GMDS: variants seen among roughly 807,000 people sequenced by gnomAD.
GMDS encodes the protein GDP-mannose 4,6 dehydratase.
In GMDS, 20 loss-of-function variants were observed where a neutral mutation model predicts 49.9. The ratio of observed to expected loss-of-function variants is 0.40; its 90% confidence interval spans 0.28 to 0.58. GMDS has a LOEUF of 0.58. GMDS is among the 20% of genes least tolerant of loss of function. The pLI, the probability that GMDS is intolerant of heterozygous loss-of-function variation, is 0.42. For missense variants in GMDS, 362 were observed against 481.4 expected (o/e 0.75, Z 2.32); for synonymous variants, 177 against 178.6 (o/e 0.99, Z 0.07).
intron 9 of GMDS, among the ~76,000 whole-genome samples, chr6:1,676,360 A>C (rs555203309): frequency 6.6e-6 from 1 of 152,328 alleles, no homozygotes; most frequent in African/African-American, 2.4e-5. Flanking sequence ...ACACTGCCCA[A>C]GGTAATTTAT....
intron 7 of GMDS, among the ~76,000 whole-genome samples, chr6:1,747,747 G>A (rs1767567641): frequency 6.6e-6 from 1 of 152,066 alleles, no homozygotes; most frequent in Admixed American, 6.5e-5. Flanking sequence ...ATTCTTTGTG[G>A]AATTCACATA....
chr6:1,700,336 A>C (rs1321023844), intron 9 of GMDS, among the ~76,000 whole-genome samples: 7 of 152,176 alleles, frequency 4.6e-5, no homozygotes, highest in Non-Finnish European at 1.5e-5. Flanking sequence ...ACAATCCCTT[A>C]ATTCCATTTT....
At chr6:2,084,506 C>CT (rs916770951) in intron 4 of GMDS, among the ~76,000 whole-genome samples, 38 of 151,222 alleles carry the variant, frequency 2.5e-4, no homozygotes, top group South Asian at 1.3e-3. Context: ...AAATAAAACT[C>CT]TTTTTTTTTC....
chr6:2,221,481 C>A (rs1026858014), intron 1 of GMDS, among the ~76,000 whole-genome samples: 1 of 152,166 alleles, frequency 6.6e-6, no homozygotes, highest in African/African-American at 2.4e-5. Flanking sequence ...CCCGGCCTCC[C>A]GGGTTCACAC....
At chr6:1,948,056 G>T (rs1352348919) in intron 6 of GMDS, among the ~76,000 whole-genome samples, 1 of 152,060 alleles carries the variant, frequency 6.6e-6, no homozygotes, top group Non-Finnish European at 1.5e-5. Context: ...TCACTTCCAC[G>T]ATTTCCTTTA....
intron 7 of GMDS, among the ~76,000 whole-genome samples, chr6:1,771,006 C>G (rs916346941): frequency 6.6e-6 from 1 of 152,140 alleles, no homozygotes; most frequent in African/African-American, 2.4e-5. Flanking sequence ...ATGAGCTATT[C>G]ATGTCTTCAT....
intron 7 of GMDS, among the ~76,000 whole-genome samples, chr6:1,809,033 A>G (rs1020383133): frequency 1.3e-5 from 2 of 152,192 alleles, no homozygotes; most frequent in Admixed American, 1.3e-4. Context: ...TTTCTTTCTC[A>G]AAGATGATTT....
intron 1 of GMDS, among the ~76,000 whole-genome samples, chr6:2,194,988 A>G (rs1338113690): frequency 1.3e-5 from 2 of 152,258 alleles, no homozygotes; most frequent in African/African-American, 4.8e-5. Context: ...ATCAGCCTGT[A>G]CTTTGCTAAA....
intron 7 of GMDS, among the ~76,000 whole-genome samples, chr6:1,767,863 A>G (rs1257716385): frequency 6.6e-6 from 1 of 152,040 alleles, no homozygotes; most frequent in Non-Finnish European, 1.5e-5. Flanking sequence ...TAAAAACAGA[A>G]TACTAGGTGA....
At chr6:2,065,233 TAACAAACTGA>T (rs1003764215) in intron 4 of GMDS, among the ~76,000 whole-genome samples, 169 of 150,424 alleles carry the variant, frequency 1.1e-3, no homozygotes, top group African/African-American at 4.0e-3. Context: ...GAGGGAAAAC[TAACAAACTGA>T]AAGGACATCC....
rs371892139 is a variant in GMDS at position 2,086,500 on chromosome 6, C to G, written c.345+29271G>C. On this transcript the variant is annotated intron_variant, in intron 4 of 10. Coordinates refer to ENST00000380815, the MANE Select transcript of GMDS (RefSeq NM_001500.4). ...CATCTCCACTTAAATCAGAAGGGAA[C>G]AGCCAACCATGAGTAACCAGCATGC... Among the ~76,000 whole-genome samples the G allele has an allele frequency of 2.0e-4, 31 of 152,348 alleles. No individual in the cohort carries two copies. In the East Asian group the frequency reaches 3.1e-3, roughly 15 times the overall value.
intron 4 of GMDS, among the ~76,000 whole-genome samples, chr6:1,979,288 A>T (rs9328078): frequency 2.6e-5 from 4 of 152,020 alleles, no homozygotes; most frequent in African/African-American, 9.7e-5. Flanking sequence ...AAAGCGAAGA[A>T]GCTAAAACAA....
rs186489720 is a variant in GMDS at position 1,755,743 on chromosome 6, C to T, written c.772-13157G>A. ...ACTGAAAATGGACCCCTTCCTTATG[C>T]CTTATACAAAAATTAACTAAAGATG... On this transcript the variant is annotated intron_variant, in intron 7 of 10. Coordinates refer to ENST00000380815, the MANE Select transcript of GMDS (RefSeq NM_001500.4). Among the ~76,000 whole-genome samples, 9 of 152,218 alleles carry T rather than the reference C, an allele frequency of 5.9e-5. No individual in the cohort carries two copies. The East Asian group carries it at 1.5e-3, about 26-fold the overall frequency.
At chr6:2,104,645 G>A (rs1025644033) in intron 4 of GMDS, among the ~76,000 whole-genome samples, 1 of 152,032 alleles carries the variant, frequency 6.6e-6, no homozygotes, top group African/African-American at 2.4e-5. Context: ...CTTTCTCTGT[G>A]AAGCAAATTT....
intron 7 of GMDS, among the ~76,000 whole-genome samples, chr6:1,914,383 C>T (rs971633054): frequency 1.0e-4 from 15 of 148,428 alleles, no homozygotes; most frequent in African/African-American, 2.7e-4. Flanking sequence ...AGGAGAATGG[C>T]GTGAACCCAG....
At chr6:2,070,940 C>A (rs960301329) in intron 4 of GMDS, among the ~76,000 whole-genome samples, 11 of 152,150 alleles carry the variant, frequency 7.2e-5, no homozygotes, top group Non-Finnish European at 1.6e-4. Flanking sequence ...TACCACACAC[C>A]ACATTTACTC....
chr6:1,953,188 C>T (rs1763449890), intron 6 of GMDS, among the ~76,000 whole-genome samples: 1 of 152,212 alleles, frequency 6.6e-6, no homozygotes, highest in Non-Finnish European at 1.5e-5. Flanking sequence ...CGTCACACCC[C>T]TGGGTCAGGG....
chr6:1,663,741 A>G (rs1764157144), intron 9 of GMDS, among the ~76,000 whole-genome samples: 1 of 152,142 alleles, frequency 6.6e-6, no homozygotes, highest in Admixed American at 6.5e-5. Flanking sequence ...ACTGGTGAAG[A>G]TCCGTGTGCC....
chr6:1,993,318 C>T (rs1766071272), intron 4 of GMDS, among the ~76,000 whole-genome samples: 1 of 152,198 alleles, frequency 6.6e-6, no homozygotes, highest in African/African-American at 2.4e-5. Flanking sequence ...TTTAATCCCT[C>T]AATCCTGAAT....
Sources: gnomAD v4.1 joint callset for allele counts (sites outside exome capture counted in the v4.1 genomes callset) on GRCh38, gnomAD v4.1.1 for gene constraint, MANE v1.5 for transcripts, NCBI Gene and HGNC (gene_info 2026-07-23, HGNC 2026-07-21) for gene names.